Variants in CPB2 observed in about 807,000 individuals in gnomAD.
CPB2 encodes the protein carboxypeptidase B-like protein.
Under a neutral mutation model 57.0 loss-of-function variants are expected in CPB2, and 54 were observed. The observed-to-expected ratio is 0.95, with a 90% confidence interval of 0.76 to 1.19. The LOEUF (loss-of-function observed/expected upper bound fraction) is 1.19. Among genes scored for constraint, CPB2 ranks in the 50% most tolerant of loss-of-function variants. The pLI is 0.00. For missense variants in CPB2, 426 were observed against 512.0 expected (o/e 0.83, Z 1.62); for synonymous variants, 189 against 178.1 (o/e 1.06, Z -0.49).
intron 1 of CPB2, chr13:46,100,308 A>ACT: frequency 1.3e-5 from 2 of 152,332 alleles, no homozygotes. Context: ...TAGTGAACAG[A>ACT]CTCTTCTTAT....
chr13:46,090,362 CTTTTT>C (rs11458090), intron 1 of CPB2, among the ~76,000 whole-genome samples: 1 of 125,816 alleles, frequency 7.9e-6, no homozygotes. Flanking sequence ...TTTGTCTATT[CTTTTT>C]TTTTTTTTTT....
At chr13:46,104,288 T>C (rs1048088150) in intron 1 of CPB2, among the ~76,000 whole-genome samples, 2 of 152,236 alleles carry the variant, frequency 1.3e-5, no homozygotes, top group Non-Finnish European at 1.5e-5. Context: ...ATCAATGTTT[T>C]AAAGCCTAAA....
chr13:46,096,427 T>C (rs1015329508), intron 1 of CPB2: 2 of 151,968 alleles, frequency 1.3e-5, no homozygotes, highest in African/African-American at 4.8e-5. Flanking sequence ...CTGACACAAG[T>C]AGGAAGAGGA....
chr13:46,086,130 A>C (rs1473525863), intron 2 of CPB2, among the ~76,000 whole-genome samples: 1 of 152,126 alleles, frequency 6.6e-6, no homozygotes, highest in Non-Finnish European at 1.5e-5. Context: ...GTCAGGAACC[A>C]CAGAGCCCTA....
chr13:46,099,299 G>T (rs1174517354), intron 1 of CPB2: 1 of 152,158 alleles, frequency 6.6e-6, no homozygotes, highest in Non-Finnish European at 1.5e-5. Flanking sequence ...AGGACGAATG[G>T]CAGGGTAGGA....
Position 46,082,394 on chromosome 13 carries a change from C to A in CPB2, c.384+47G>T, listed in dbSNP as rs369350407. ...TATTCCCCTGATTGAAATGGCAATACTGGTTAAATGAAAATAGTAGCTTTG... is the reference window on the plus strand; with the variant it reads ...TATTCCCCTGATTGAAATGGCAATAATGGTTAAATGAAAATAGTAGCTTTG... On this transcript the variant is annotated intron_variant, in intron 4 of 10. Coordinates refer to ENST00000181383, the MANE Select transcript of CPB2 (RefSeq NM_001872.5). The A allele has an allele frequency of 1.8e-5, 20 of 1,105,988 alleles. No individual in the cohort carries two copies. In the African/African-American group the frequency reaches 2.9e-4, roughly 16 times the overall value. The allele number at this position is 1,105,988 out of a possible 1,614,324, so 68.5% of individuals were successfully genotyped here.
intron 1 of CPB2, among the ~76,000 whole-genome samples, chr13:46,095,731 G>A (rs1387221745): frequency 6.6e-6 from 1 of 152,104 alleles, no homozygotes; most frequent in African/African-American, 2.4e-5. Context: ...CAGCTACTGT[G>A]CTCTGAAATC....
chr13:46,071,924 T>A (rs2044948411), intron 6 of CPB2, among the ~76,000 whole-genome samples: 1 of 152,274 alleles, frequency 6.6e-6, no homozygotes, highest in African/African-American at 2.4e-5. Flanking sequence ...GGGCAGAGGT[T>A]TGGCAGGAGG....
rs766675141 is a variant in CPB2, at chr13:46,082,455, G to GAT, written c.368_369dup (p.His124IlefsTer4). ...TGATGGCTTACTTCATTTAGTGAGT[G>GAT]ATACTGTTCATAGTACGATGCGGAG... On this transcript the variant is annotated frameshift_variant, in exon 4 of 11. Transcript: ENST00000181383. LOFTEE classifies it high-confidence loss of function. The GAT allele has an allele frequency of 3.1e-6, 5 of 1,605,796 alleles. No individual in the cohort carries two copies. Among genetic ancestry groups the GAT allele is most frequent in the Non-Finnish European group, 3.4e-6 (4 of 1,173,430 alleles).
intron 5 of CPB2, among the ~76,000 whole-genome samples, chr13:46,074,379 G>A (rs1454272750): frequency 6.6e-6 from 1 of 152,122 alleles, no homozygotes; most frequent in Non-Finnish European, 1.5e-5. Context: ...GAGGTGTGGA[G>A]ACACACCCAG....
chr13:46,088,581 A>G (rs2045244847), intron 1 of CPB2, among the ~76,000 whole-genome samples: 1 of 152,238 alleles, frequency 6.6e-6, no homozygotes, highest in South Asian at 2.1e-4. Flanking sequence ...ATAGTGTCAT[A>G]TCAGTCCTCA....
chr13:46,104,010 G>C (rs1049947969), intron 1 of CPB2, among the ~76,000 whole-genome samples: 4 of 152,198 alleles, frequency 2.6e-5, no homozygotes, highest in African/African-American at 7.2e-5. Context: ...ACTATAATCA[G>C]TTCAGTGATC....
chr13:46,069,677 A>G (rs1311468395), intron 6 of CPB2, among the ~76,000 whole-genome samples: 1 of 152,142 alleles, frequency 6.6e-6, no homozygotes, highest in Non-Finnish European at 1.5e-5. Flanking sequence ...TCAGTATTTC[A>G]TTCCTTTTGA....
chr13:46,076,396 C>CAAA (rs35145884), intron 5 of CPB2, among the ~76,000 whole-genome samples: 1 of 145,032 alleles, frequency 6.9e-6, no homozygotes. Flanking sequence ...TTACAATGAC[C>CAAA]AAAAAAAAAA....
At position 46,087,794 on chromosome 13, in the gene CPB2, C is replaced by A. The variant is rs2139404155; in HGVS notation, c.101G>T (p.Arg34Ile). The change falls in exon 2 of 11, where the codon AGA becomes ATA. Residue 34 changes from arginine (R) to isoleucine (I), a missense_variant. By Grantham distance (97) the Arg-to-Ile change is moderately conservative. Coordinates refer to ENST00000181383, the MANE Select transcript of CPB2 (RefSeq NM_001872.5). ...TAGAACTTGAACTTGCCTAGAGGTT[C>A]TAGGAAGAGCAGCTAGAACTTGGCC... The part of the protein sequence containing the change: ...QSGQVLAALP[R>I]TSRQVQVLQN... 1 of 1,610,458 alleles carries A rather than the reference C, an allele frequency of 6.2e-7. No homozygotes were observed. The highest frequency in any genetic ancestry group is 1.1e-5 in the South Asian group (1 of 90,518).
At chr13:46,054,877 A>G (rs1165266123) in intron 10 of CPB2, among the ~76,000 whole-genome samples, 1 of 130,842 alleles carries the variant, frequency 7.6e-6, no homozygotes. Context: ...TAGCCAACCA[A>G]GTAGCTGGCA....
At chr13:46,083,420 T>C (rs1462790481) in intron 3 of CPB2, among the ~76,000 whole-genome samples, 5 of 152,294 alleles carry the variant, frequency 3.3e-5, no homozygotes, top group Admixed American at 1.3e-4. Context: ...AGTACACACC[T>C]ATAATATACT....
intron 4 of CPB2, among the ~76,000 whole-genome samples, chr13:46,081,961 T>TTAG (rs2139392060): frequency 6.6e-6 from 1 of 152,178 alleles, no homozygotes; most frequent in East Asian, 1.9e-4. Flanking sequence ...AACAAAGGCA[T>TTAG]TATTATTATT....
At chr13:46,066,370 G>A (rs1428911167) in intron 7 of CPB2, among the ~76,000 whole-genome samples, 1 of 152,086 alleles carries the variant, frequency 6.6e-6, no homozygotes. Context: ...AATGCAATTA[G>A]CAAATCCTGA....
Sources: gnomAD v4.1 joint callset for allele counts (sites outside exome capture counted in the v4.1 genomes callset) on GRCh38, gnomAD v4.1.1 for gene constraint, MANE v1.5 for transcripts, NCBI Gene and HGNC (gene_info 2026-07-23, HGNC 2026-07-21) for gene names.